AHCTF1: variants seen among roughly 807,000 people sequenced by gnomAD.
The protein encoded by AHCTF1 is protein ELYS.
Under a neutral mutation model 248.4 loss-of-function variants are expected in AHCTF1, and 24 were observed. The observed-to-expected ratio is 0.10, with a 90% CI of 0.07 to 0.14. The LOEUF (loss-of-function observed/expected upper bound fraction) is 0.14, where lower values mean the gene tolerates loss of function less well. Ranked by LOEUF, AHCTF1 falls within the 10% of genes least tolerant of loss-of-function variation. The probability of loss-of-function intolerance (pLI) is 1.00; values close to 1 mark genes in which losing one functional copy is unlikely to be tolerated. For missense variants in AHCTF1, 2,206 were observed against 2,636.2 expected (o/e 0.84, Z 3.57); for synonymous variants, 786 against 929.8 (o/e 0.85, Z 2.81).
chr1:246,854,801 C>T (rs1660990753), intron 31 of AHCTF1, among the ~76,000 whole-genome samples: 1 of 151,994 alleles, frequency 6.6e-6, no homozygotes, highest in African/African-American at 2.4e-5. Context: ...AAGTGCAGAA[C>T]TGGGTTAGGA....
chr1:246,871,709 A>T (rs1481022595), intron 24 of AHCTF1, among the ~76,000 whole-genome samples: 1 of 151,184 alleles, frequency 6.6e-6, no homozygotes, highest in Non-Finnish European at 1.5e-5. Context: ...CCTACAGTGC[A>T]TTTTTTTTTG....
intron 12 of AHCTF1, among the ~76,000 whole-genome samples, chr1:246,897,845 GT>G (rs1664699019): frequency 6.6e-6 from 1 of 151,868 alleles, no homozygotes; most frequent in Non-Finnish European, 1.5e-5. Context: ...AAGCATAGTT[GT>G]GCCTGTCTGT....
Position 246,885,774 on chromosome 1 carries a change from A to G in AHCTF1, c.2473-94T>C, listed in dbSNP as rs554138480. The G allele has an allele frequency of 1.3e-4, 152 of 1,179,078 alleles. 2 individuals carry two copies. In the African/African-American group the frequency reaches 1.6e-3, roughly 12 times the overall value. The allele number at this position is 1,179,078 out of a possible 1,614,324, so 73.0% of individuals were successfully genotyped here. A position where few individuals can be genotyped will look rare whatever the true frequency, so the allele number is the denominator to read the frequency against. ...AACACTAAAAACCACAAAAATCCAG[A>G]TAAGACTCGTTTAAATATAAGCTGA... On this transcript the variant is annotated intron_variant, in intron 20 of 35. Coordinates refer to ENST00000648844, the MANE Select transcript of AHCTF1 (RefSeq NM_001323342.2).
chr1:246,893,220 GT>G (rs2103145930), intron 14 of AHCTF1, among the ~76,000 whole-genome samples: 1 of 152,250 alleles, frequency 6.6e-6, no homozygotes, highest in Non-Finnish European at 1.5e-5. Context: ...ACACCTGATA[GT>G]GTTCTTACAG....
intron 1 of AHCTF1, among the ~76,000 whole-genome samples, chr1:246,925,231 T>G (rs951014955): frequency 3.3e-5 from 5 of 152,164 alleles, no homozygotes; most frequent in African/African-American, 4.8e-5. Context: ...TAATGGATAA[T>G]GAGCAAAAAA....
chr1:246,860,795 C>T (rs1661482494), intron 29 of AHCTF1, 104 bp downstream of exon 29: 5 of 1,438,836 alleles, frequency 3.5e-6, no homozygotes, highest in Non-Finnish European at 4.7e-6. Context: ...GCATGAGCCA[C>T]AGTACCTGGC....
At chr1:246,894,846 G>C in intron 13 of AHCTF1, 98 bp from the exon 14 acceptor site, 1 of 976,034 alleles carries the variant, frequency 1.0e-6, no homozygotes. Flanking sequence ...CACCCTAACC[G>C]AGTGAACATC....
chr1:246,846,081 G>T lies in AHCTF1; in HGVS notation c.6392-2153C>A, dbSNP rs372688283. ...TACTGGGTTGAAGTGGGAATCAAAC[G>T]ATATATGAATGTCATGTATCTAGTA... On this transcript the variant is annotated intron_variant, in intron 33 of 35. Transcript: ENST00000648844. 9.1e-4 allele frequency among the ~76,000 whole-genome samples: 136 copies of T among 148,984 alleles called. 1 individual carries two copies. Among genetic ancestry groups the T allele is most frequent in the African/African-American group, 2.9e-3 (115 of 40,232 alleles).
chr1:246,892,398 G>A (rs1664273322), intron 14 of AHCTF1, among the ~76,000 whole-genome samples: 1 of 128,686 alleles, frequency 7.8e-6, no homozygotes, highest in African/African-American at 3.0e-5. Flanking sequence ...TCCGCTCACT[G>A]CAACCTCTAC....
chr1:246,929,833 C>G (rs887764794), intron 1 of AHCTF1, among the ~76,000 whole-genome samples: 3 of 152,236 alleles, frequency 2.0e-5, no homozygotes, highest in African/African-American at 7.2e-5. Context: ...GCGGGCGGAT[C>G]ACGAGGTCAG....
chr1:246,864,592 T>TTAATTTTTTCAAGTCAA lies in AHCTF1; in HGVS notation c.3348-477_3348-476insTTGACTTGAAAAAATTA, dbSNP rs1163434576. Among the ~76,000 whole-genome samples, 46 of 22,128 alleles carry TTAATTTTTTCAAGTCAA rather than the reference T, an allele frequency of 2.1e-3. 2 individuals are homozygous for TTAATTTTTTCAAGTCAA. In the African/African-American group the frequency reaches 0.022, roughly 11 times the overall value. 14.5% of individuals were successfully genotyped at this position (22,128 alleles called of 152,430 possible). A position where few individuals can be genotyped will look rare whatever the true frequency, so the allele number is the denominator to read the frequency against. On this transcript the variant is annotated intron_variant, in intron 26 of 35. Transcript: ENST00000648844. ...TGATTACAATAAAGACTAGACTGACTTGGGAGGCCGAGGCGGGTGGATCAT... is the reference window on the plus strand; with the variant it reads ...TGATTACAATAAAGACTAGACTGACTTAATTTTTTCAAGTCAATGGGAGGCCGAGGCGGGTGGATCAT...
chr1:246,896,803 G>C (rs1478250585), intron 12 of AHCTF1, among the ~76,000 whole-genome samples: 1 of 152,114 alleles, frequency 6.6e-6, no homozygotes, highest in East Asian at 1.9e-4. Context: ...ATTCATTACA[G>C]GAGCAAATTA....
intron 13 of AHCTF1, among the ~76,000 whole-genome samples, chr1:246,895,412 T>G (rs1487275012): frequency 2.0e-5 from 3 of 152,040 alleles, no homozygotes; most frequent in East Asian, 1.9e-4. Context: ...GCGTTTGGGG[T>G]GTGTGTGTGT....
At chr1:246,900,588 T>C in intron 8 of AHCTF1, 119 bp from the exon 9 acceptor site, 1 of 1,093,306 alleles carries the variant, frequency 9.1e-7, no homozygotes, top group South Asian at 1.6e-5. Context: ...TTTCACTTGA[T>C]TCATCAAAAC....
At chr1:246,931,442 C>A in intron 1 of AHCTF1, 136 bp downstream of exon 1, 2 of 1,357,412 alleles carry the variant, frequency 1.5e-6, no homozygotes, top group Non-Finnish European at 9.5e-7. Flanking sequence ...GCCCCGCGCA[C>A]GCCCGGCCTA....
At chr1:246,880,663 T>C (rs1010808684) in intron 21 of AHCTF1, among the ~76,000 whole-genome samples, 1 of 152,176 alleles carries the variant, frequency 6.6e-6, no homozygotes. Flanking sequence ...ATTTATGATT[T>C]ACCAAGTATT....
chr1:246,920,142 C>CAAA (rs68194249), intron 1 of AHCTF1, among the ~76,000 whole-genome samples: 4,566 of 40,762 alleles, frequency 0.11, 713 homozygotes, highest in East Asian at 0.18. Flanking sequence ...CTGTCCCCCG[C>CAAA]AAAAAAAAAA....
intron 21 of AHCTF1, among the ~76,000 whole-genome samples, chr1:246,878,884 G>T (rs1663186206): frequency 6.6e-6 from 1 of 152,174 alleles, no homozygotes; most frequent in Admixed American, 6.5e-5. Flanking sequence ...ATCTGAAATT[G>T]CCTCGTGCTT....
intron 8 of AHCTF1, among the ~76,000 whole-genome samples, chr1:246,901,176 C>CA (rs1333514383): frequency 6.6e-6 from 1 of 151,764 alleles, no homozygotes; most frequent in Non-Finnish European, 1.5e-5. Flanking sequence ...CTCATCTCTA[C>CA]AAAAAAATAC....
Sources: gnomAD v4.1 joint callset for allele counts (sites outside exome capture counted in the v4.1 genomes callset) on GRCh38, gnomAD v4.1.1 for gene constraint, MANE v1.5 for transcripts, NCBI Gene and HGNC (gene_info 2026-07-23, HGNC 2026-07-21) for gene names.